The following PLCB4 variants were observed in gnomAD, a reference collection of about 807,000 sequenced individuals.
PLCB4 encodes phospholipase C beta 4, also known as 1-phosphatidylinositol 4,5-bisphosphate phosphodiesterase beta-4.
In PLCB4, 77 loss-of-function variants were observed where a neutral mutation model predicts 178.8. The observed-to-expected ratio is 0.43, with a 90% CI of 0.36 to 0.52. The LOEUF (loss-of-function observed/expected upper bound fraction) is 0.52. Ranked by LOEUF, PLCB4 falls within the 20% of genes least tolerant of loss-of-function variation. The pLI is 0.00. For synonymous variants in PLCB4, 496 were observed against 490.8 expected (o/e 1.01, Z -0.14); for missense variants, 1,024 against 1,453.4 (o/e 0.70, Z 4.80).
At position 9,435,615 on chromosome 20, in the gene PLCB4, A is replaced by G; in HGVS notation, c.2580A>G (p.Arg860=). ...AATTTCTCTCAATTACAGAAAAGAG[A>G]GCAGACCAAATGAGAGCTATGGGCA... ...PKKFLSITEK[R]ADQMRAMGIE... The change falls in exon 29 of 40, where the codon AGA becomes AGG. Residue 860 remains arginine, a synonymous_variant. Coordinates refer to ENST00000378473, the MANE Select transcript of PLCB4 (RefSeq NM_001377142.1). The G allele has an allele frequency of 6.2e-7, 1 of 1,608,878 alleles. No individual in the cohort carries two copies. The highest frequency in any genetic ancestry group is 8.5e-7 in the Non-Finnish European group (1 of 1,175,472).
chr20:9,407,525 A>T (rs1176495101), intron 21 of PLCB4, among the ~76,000 whole-genome samples: 1 of 151,996 alleles, frequency 6.6e-6, no homozygotes, highest in Non-Finnish European at 1.5e-5. Flanking sequence ...TCACGCCACC[A>T]CACCCAGCTA....
chr20:9,439,864 A>T (rs956923318), intron 30 of PLCB4, among the ~76,000 whole-genome samples: 3 of 152,234 alleles, frequency 2.0e-5, no homozygotes, highest in African/African-American at 7.2e-5. Flanking sequence ...TTGGCTATTG[A>T]TGTGTAACAA....
intron 13 of PLCB4, among the ~76,000 whole-genome samples, chr20:9,381,963 A>G (rs2037179355): frequency 1.3e-5 from 2 of 152,128 alleles, no homozygotes; most frequent in Non-Finnish European, 2.9e-5. Context: ...CATTTCTTCT[A>G]TTAAACTCTC....
Position 9,411,064 on chromosome 20 carries a change from A to G in PLCB4, c.2027A>G (p.Lys676Arg). Residue 676 changes from lysine (K) to arginine (R), a missense_variant, in exon 25 of 40, where the codon AAA (lysine) becomes AGA (arginine). Physicochemically the swap from Lys to Arg is conservative, Grantham distance 26. Transcript: ENST00000378473. Reference sequence around the variant, plus strand: ...TTAGCGATGCAATTGAATCAGGGAAAATTTGAGTATAATGGATCGTGCGGG... The same window carrying G: ...TTAGCGATGCAATTGAATCAGGGAAGATTTGAGTATAATGGATCGTGCGGG... ...PDLAMQLNQG[K>R]FEYNGSCGYL... is the part of the protein sequence containing the mutation. 1.9e-6 allele frequency: 3 copies of G among 1,611,528 alleles called. No individual in the cohort carries two copies. The highest frequency in any genetic ancestry group is 2.5e-6 in the Non-Finnish European group (3 of 1,177,746).
At chr20:9,448,623 T>G in intron 32 of PLCB4, among the ~76,000 whole-genome samples, 1 of 93,884 alleles carries the variant, frequency 1.1e-5, no homozygotes, top group East Asian at 4.8e-4. Context: ...GCACAGACTT[T>G]TTTTTTTTTT....
intron 2 of PLCB4, among the ~76,000 whole-genome samples, chr20:9,204,777 A>C (rs2093596429): frequency 6.6e-6 from 1 of 152,154 alleles, no homozygotes; most frequent in African/African-American, 2.4e-5. Flanking sequence ...ATTAGGCTTA[A>C]AGAACTTTTG....
chr20:9,435,426 C>A, intron 28 of PLCB4, 134 bp from the exon 29 acceptor site: 1 of 565,398 alleles, frequency 1.8e-6, no homozygotes. Context: ...CTCAGTGTGT[C>A]TTATGTCCTA....
intron 2 of PLCB4, among the ~76,000 whole-genome samples, chr20:9,214,477 G>T (rs1189697922): frequency 6.6e-6 from 1 of 151,764 alleles, no homozygotes; most frequent in African/African-American, 2.4e-5. Context: ...TCTGGGATTT[G>T]CAATTTTGTT....
intron 3 of PLCB4, among the ~76,000 whole-genome samples, chr20:9,281,916 C>T (rs2094497706): frequency 6.6e-6 from 1 of 151,890 alleles, no homozygotes; most frequent in South Asian, 2.1e-4. Context: ...AAAAGTAAAA[C>T]ATCCAGAAGT....
intron 3 of PLCB4, among the ~76,000 whole-genome samples, chr20:9,229,028 G>C (rs2093901414): frequency 6.6e-6 from 1 of 152,166 alleles, no homozygotes; most frequent in Non-Finnish European, 1.5e-5. Flanking sequence ...TTCTCATCTG[G>C]TGCAAACAAC....
At chr20:9,191,154 A>G (rs952416405) in intron 2 of PLCB4, among the ~76,000 whole-genome samples, 1 of 152,108 alleles carries the variant, frequency 6.6e-6, no homozygotes, top group African/African-American at 2.4e-5. Flanking sequence ...CTTAGGAAGT[A>G]TTTTGCATAC....
At chr20:9,396,536 A>T (rs1319155783) in intron 19 of PLCB4, among the ~76,000 whole-genome samples, 1 of 152,188 alleles carries the variant, frequency 6.6e-6, no homozygotes, top group Non-Finnish European at 1.5e-5. Context: ...TCAGTTGTAA[A>T]TGGGTCATTT....
chr20:9,305,656 C>T (rs1004712802), intron 3 of PLCB4, among the ~76,000 whole-genome samples: 2 of 152,162 alleles, frequency 1.3e-5, no homozygotes, highest in South Asian at 2.1e-4. Flanking sequence ...TTTCCCCTGA[C>T]AGAGTATATA....
chr20:9,074,167 T>A (rs2089712882), intron 1 of PLCB4, among the ~76,000 whole-genome samples: 2 of 152,166 alleles, frequency 1.3e-5, no homozygotes, highest in African/African-American at 4.8e-5. Flanking sequence ...ACCCTGGGCA[T>A]TCACTCTGAG....
In PLCB4 at chr20:9,373,120, C is replaced by T. The variant is rs2036386688; in HGVS notation, c.744+16C>T. 1 of 1,296,672 alleles carries T rather than the reference C, an allele frequency of 7.7e-7. No homozygotes were observed. Among genetic ancestry groups the T allele is most frequent in the Non-Finnish European group, 1.1e-6 (1 of 895,940 alleles). The allele number at this position is 1,296,672 out of a possible 1,614,324, so 80.3% of individuals were successfully genotyped here. On this transcript the variant is annotated intron_variant, in intron 12 of 39. Coordinates refer to ENST00000378473, the MANE Select transcript of PLCB4 (RefSeq NM_001377142.1). The stretch of plus-strand genomic sequence containing the variant: ...TCTAAATGAAGTAAGCTTTTTCATA[C>T]ATTAACTCCATAAAGTCTGTGTGCA...
At chr20:9,368,633 G>A (rs1338991559) in intron 9 of PLCB4, among the ~76,000 whole-genome samples, 1 of 151,604 alleles carries the variant, frequency 6.6e-6, no homozygotes, top group Non-Finnish European at 1.5e-5. Flanking sequence ...TGCTGGGGCA[G>A]TTGCCCCATC....
intron 12 of PLCB4, among the ~76,000 whole-genome samples, chr20:9,378,351 C>T (rs2036852476): frequency 6.6e-6 from 1 of 152,092 alleles, no homozygotes; most frequent in Admixed American, 6.6e-5. Flanking sequence ...CTTTTTCATC[C>T]TTTATCCATC....
intron 1 of PLCB4, among the ~76,000 whole-genome samples, chr20:9,072,941 C>T (rs530830525): frequency 3.3e-5 from 5 of 152,174 alleles, no homozygotes; most frequent in Non-Finnish European, 7.3e-5. Context: ...CTCTTACTCA[C>T]TACTTATAAA....
At chr20:9,095,428 T>C (rs1033564992) in intron 1 of PLCB4, among the ~76,000 whole-genome samples, 2 of 152,210 alleles carry the variant, frequency 1.3e-5, no homozygotes, top group Non-Finnish European at 2.9e-5. Flanking sequence ...CAAACATATA[T>C]CATGGTCAGA....
Sources: allele counts gnomAD v4.1 joint callset (sites outside exome capture counted in the v4.1 genomes callset), GRCh38; gene constraint gnomAD v4.1.1; transcripts MANE v1.5; gene names NCBI Gene and HGNC (gene_info 2026-07-23, HGNC 2026-07-21).